Variants in MXRA7 observed in about 807,000 individuals in gnomAD.
The protein encoded by MXRA7 is matrix remodeling associated 7, also known as matrix-remodeling-associated protein 7.
Under a neutral mutation model 17.4 loss-of-function variants are expected in MXRA7, and 18 were observed. The ratio of observed to expected loss-of-function variants is 1.03; its 90% CI spans 0.71 to 1.53. The LOEUF is 1.53. Among genes scored for constraint, MXRA7 ranks in the 40% most tolerant of loss-of-function variants. The pLI is 0.00. For synonymous variants in MXRA7, 70 were observed against 101.7 expected, an observed-to-expected ratio of 0.69 and a Z score of 1.87; for missense variants, 141 against 209.3, an observed-to-expected ratio of 0.67 and a Z score of 2.01.
rs566151451 is a variant in MXRA7, at chr17:76,698,401, G to A, written c.343-10225C>T. Among the ~76,000 whole-genome samples the A allele has an allele frequency of 3.4e-4, 52 of 152,212 alleles. No individual in the cohort carries two copies. In the South Asian group the frequency reaches 8.5e-3, roughly 25 times the overall value. On this transcript the variant is annotated intron_variant, in intron 1 of 3. Transcript: ENST00000449428. ...GCAAAGCCCAGCTGGCGCCAGCTCC[G>A]GGGGCTTGGTGGTGGGCAGGGAGGG...
intron 1 of MXRA7, among the ~76,000 whole-genome samples, chr17:76,701,583 G>A (rs1416887184): frequency 6.6e-6 from 1 of 152,064 alleles, no homozygotes; most frequent in East Asian, 1.9e-4. Context: ...TGGTCCAGGA[G>A]TCCTGCAGTT....
chr17:76,710,516 G>T, intron 1 of MXRA7, 89 bp downstream of exon 1: 1 of 1,097,942 alleles, frequency 9.1e-7, no homozygotes, highest in Non-Finnish European at 1.1e-6. Context: ...GCTGGAGGCC[G>T]CGGCCCCGCT....
At chr17:76,688,902 A>C in intron 1 of MXRA7, 4 of 306,846 alleles carry the variant, frequency 1.3e-5, no homozygotes, top group Non-Finnish European at 1.2e-5. Flanking sequence ...AAATGAATGA[A>C]TGAGCAGCCC....
At chr17:76,687,504 G>A (rs954855335) in intron 2 of MXRA7, among the ~76,000 whole-genome samples, 7 of 152,218 alleles carry the variant, frequency 4.6e-5, no homozygotes, top group South Asian at 4.1e-4. Context: ...GTCTGCCTCC[G>A]CTTTCTTTTT....
At chr17:76,673,730 C>T (rs1454535670) in exon 4 of MXRA7, 1 of 151,846 alleles carries the variant, frequency 6.6e-6, no homozygotes, top group Non-Finnish European at 1.5e-5. Context: ...AAATCAGCCA[C>T]GGCAGAGAGG....
chr17:76,683,004 C>T (rs577702341), intron 3 of MXRA7, among the ~76,000 whole-genome samples: 3 of 152,264 alleles, frequency 2.0e-5, no homozygotes, highest in East Asian at 3.9e-4. Flanking sequence ...GGGATTTTCC[C>T]TCCCCACTGC....
At chr17:76,688,263 A>C (rs779497024) in intron 1 of MXRA7, 87 bp from the exon 2 acceptor site, 10 of 1,571,096 alleles carry the variant, frequency 6.4e-6, no homozygotes, top group Admixed American at 3.7e-5. Flanking sequence ...GAGACAGAGG[A>C]GGCCCTCGAA....
At chr17:76,698,228 C>T (rs1038371102) in intron 1 of MXRA7, among the ~76,000 whole-genome samples, 4 of 152,172 alleles carry the variant, frequency 2.6e-5, no homozygotes, top group African/African-American at 4.8e-5. Context: ...AACAGGAAGG[C>T]GACAAGGGGC....
chr17:76,685,761 AGGGCACATGGAT>A (rs1343113574), intron 2 of MXRA7, among the ~76,000 whole-genome samples: 1 of 152,186 alleles, frequency 6.6e-6, no homozygotes, highest in Non-Finnish European at 1.5e-5. Context: ...AGGCCTGAAG[AGGGCACATGGAT>A]GGGTAGGTGG....
intron 2 of MXRA7, among the ~76,000 whole-genome samples, chr17:76,686,759 T>G (rs2076403012): frequency 6.6e-6 from 1 of 152,280 alleles, no homozygotes; most frequent in Middle Eastern, 3.4e-3. Flanking sequence ...TTAGCGACAC[T>G]AATAATTAAC....
intron 1 of MXRA7, among the ~76,000 whole-genome samples, chr17:76,690,402 T>G (rs2076467891): frequency 6.6e-6 from 1 of 152,018 alleles, no homozygotes; most frequent in African/African-American, 2.4e-5. Flanking sequence ...TTCTTATATA[T>G]TCTAAAAAAG....
intron 1 of MXRA7, among the ~76,000 whole-genome samples, chr17:76,698,578 C>T (rs987700426): frequency 2.6e-5 from 4 of 152,210 alleles, no homozygotes; most frequent in African/African-American, 9.7e-5. Flanking sequence ...CCAGGAACTT[C>T]TGTCCAGAAC....
chr17:76,708,362 A>C (rs1243719549), intron 1 of MXRA7, among the ~76,000 whole-genome samples: 1 of 152,182 alleles, frequency 6.6e-6, no homozygotes, highest in East Asian at 1.9e-4. Flanking sequence ...CTTCCGAGCT[A>C]ACAGCAGGTG....
chr17:76,696,983 C>T (rs2076538764), intron 1 of MXRA7, among the ~76,000 whole-genome samples: 1 of 152,212 alleles, frequency 6.6e-6, no homozygotes, highest in Admixed American at 6.5e-5. Context: ...AGGCCATCAT[C>T]ACCGCGGAGT....
intron 1 of MXRA7, chr17:76,688,607 C>T: frequency 8.0e-7 from 1 of 1,250,890 alleles, no homozygotes; most frequent in African/African-American, 1.5e-5. Context: ...GCTTTGCTTC[C>T]TTCTATGTTG....
At chr17:76,699,736 CCT>C (rs1400313092) in intron 1 of MXRA7, among the ~76,000 whole-genome samples, 1 of 152,146 alleles carries the variant, frequency 6.6e-6, no homozygotes, top group Admixed American at 6.5e-5. Context: ...TGCACACACC[CCT>C]CTCCTTCCTC....
chr17:76,706,786 T>G (rs2076666831), intron 1 of MXRA7, among the ~76,000 whole-genome samples: 1 of 152,258 alleles, frequency 6.6e-6, no homozygotes, highest in Non-Finnish European at 1.5e-5. Context: ...AGAAGAATGT[T>G]GGCTTCTTTG....
chr17:76,686,461 T>C (rs566583403), intron 2 of MXRA7, among the ~76,000 whole-genome samples: 22 of 152,050 alleles, frequency 1.4e-4, no homozygotes, highest in Non-Finnish European at 2.8e-4. Context: ...GCCTGGGCAA[T>C]AGAGTAAGAT....
At chr17:76,695,203 T>C (rs924536435) in intron 1 of MXRA7, among the ~76,000 whole-genome samples, 1 of 152,082 alleles carries the variant, frequency 6.6e-6, no homozygotes, top group East Asian at 1.9e-4. Flanking sequence ...ACCACCAGTG[T>C]TGACTGCATT....
Sources: allele counts gnomAD v4.1 joint callset (sites outside exome capture counted in the v4.1 genomes callset), GRCh38; gene constraint gnomAD v4.1.1; transcripts MANE v1.5; gene names NCBI Gene and HGNC (gene_info 2026-07-23, HGNC 2026-07-21).